PMPCB: variants seen among roughly 807,000 people sequenced by gnomAD.
PMPCB encodes the protein mitochondrial-processing peptidase subunit beta.
In PMPCB, 46 loss-of-function variants were observed where a neutral mutation model predicts 61.5. The ratio of observed to expected loss-of-function variants is 0.75; its 90% confidence interval spans 0.59 to 0.96. PMPCB has a LOEUF of 0.96. Ranked by LOEUF, PMPCB falls within the 40% of genes least tolerant of loss-of-function variation. PMPCB has a pLI of 0.00. For missense variants in PMPCB, 590 were observed against 602.4 expected, an observed-to-expected ratio of 0.98 and a Z score of 0.22; for synonymous variants, 191 against 201.6, an observed-to-expected ratio of 0.95 and a Z score of 0.44.
intron 12 of PMPCB, among the ~76,000 whole-genome samples, chr7:103,321,066 T>C (rs368970856): frequency 6.6e-6 from 1 of 150,686 alleles, no homozygotes. Context: ...GGTGTGGTGG[T>C]ATGCACCTGT....
At chr7:103,337,839 A>G in the PMPCB span, 2 of 1,564,948 alleles carry the variant, frequency 1.3e-6, no homozygotes, top group South Asian at 2.2e-5. Flanking sequence ...AAGGGAGTCA[A>G]ATTTGAAATG....
At chr7:103,330,940 G>A (rs114388582), downstream of PMPCB, among the ~76,000 whole-genome samples, 573 of 151,376 alleles carry the variant, frequency 3.8e-3, 4 homozygotes, top group African/African-American at 0.014. Flanking sequence ...TGATTATTTT[G>A]TTCATAATAC....
At chr7:103,344,428 C>G in the PMPCB span, 2 of 976,044 alleles carry the variant, frequency 2.0e-6, no homozygotes, top group Non-Finnish European at 3.2e-6. Context: ...AAAAGGCACT[C>G]GTCACGGCCC....
intron 6 of PMPCB, among the ~76,000 whole-genome samples, chr7:103,305,548 C>T (rs191565514): frequency 1.1e-3 from 165 of 152,220 alleles, no homozygotes; most frequent in Middle Eastern, 3.4e-3. Context: ...CGTGACCCAC[C>T]GCACCTGGTC....
intron 6 of PMPCB, among the ~76,000 whole-genome samples, chr7:103,307,356 C>T (rs1295847097): frequency 6.6e-6 from 1 of 152,028 alleles, no homozygotes; most frequent in East Asian, 1.9e-4. Flanking sequence ...TTATTCTTAG[C>T]TGTGAATCCA....
At chr7:103,306,314 G>A (rs984417542) in intron 6 of PMPCB, among the ~76,000 whole-genome samples, 5 of 151,544 alleles carry the variant, frequency 3.3e-5, no homozygotes, top group African/African-American at 1.2e-4. Flanking sequence ...AGTAATTCCT[G>A]AGTTTTTGCA....
chr7:103,330,750 CTT>C (rs112547436), downstream of PMPCB, among the ~76,000 whole-genome samples: 3 of 143,820 alleles, frequency 2.1e-5, no homozygotes, highest in Non-Finnish European at 1.5e-5. Context: ...ACACCCAGCT[CTT>C]TTTTTTTTTT....
chr7:103,312,518 G>A lies in PMPCB; in HGVS notation c.*247G>A, dbSNP rs1817802505. On this transcript the variant is annotated 3_prime_UTR_variant, in exon 13 of 13. Transcript: ENST00000249269. ...TGAGTATAATTTTAAGAATGAAAAT[G>A]TTTACAGTATTTTCAGTTTTATTAT... 1.3e-6 allele frequency: 2 copies of A among 1,586,200 alleles called. No individual in the cohort carries two copies. The highest frequency in any genetic ancestry group is 1.7e-6 in the Non-Finnish European group (2 of 1,170,244).
downstream of PMPCB, among the ~76,000 whole-genome samples, chr7:103,333,162 T>C (rs1819040675): frequency 6.6e-6 from 1 of 152,128 alleles, no homozygotes; most frequent in Admixed American, 6.5e-5. Context: ...GATGCTCAAC[T>C]TGTATTTGTT....
At chr7:103,309,568 A>G (rs1817680832) in intron 8 of PMPCB, among the ~76,000 whole-genome samples, 1 of 152,198 alleles carries the variant, frequency 6.6e-6, no homozygotes, top group Non-Finnish European at 1.5e-5. Flanking sequence ...AGATGATTTA[A>G]AGTATACAGG....
downstream of PMPCB, among the ~76,000 whole-genome samples, chr7:103,319,423 C>G (rs1288968383): frequency 6.6e-6 from 1 of 152,100 alleles, no homozygotes; most frequent in Non-Finnish European, 1.5e-5. Context: ...GGCAACAGAG[C>G]AAGACTCTGT....
At chr7:103,299,293 G>A (rs920342129) in intron 2 of PMPCB, 150 bp from the exon 3 acceptor site, 5 of 580,142 alleles carry the variant, frequency 8.6e-6, no homozygotes, top group South Asian at 2.2e-5. Context: ...AAATCTCATA[G>A]TTCACAGGAA....
At position 103,312,430 on chromosome 7, in the gene PMPCB, A is replaced by G; in HGVS notation, c.*159A>G. The G allele has an allele frequency of 6.6e-7, 1 of 1,512,418 alleles. No individual in the cohort carries two copies. Among genetic ancestry groups the G allele is most frequent in the Non-Finnish European group, 8.8e-7 (1 of 1,139,930 alleles). 93.7% of individuals were successfully genotyped at this position (1,512,418 alleles called of 1,614,324 possible). ...ACCCCTCTGAAGGTTGTTTTGTATTAATGGTCAGTCTTTGTTCTCTGAGAA... is the reference window on the plus strand; with the variant it reads ...ACCCCTCTGAAGGTTGTTTTGTATTGATGGTCAGTCTTTGTTCTCTGAGAA... On this transcript the variant is annotated 3_prime_UTR_variant, in exon 13 of 13. Coordinates refer to ENST00000249269, the MANE Select transcript of PMPCB (RefSeq NM_004279.3).
At chr7:103,340,732 C>A in the PMPCB span, among the ~76,000 whole-genome samples, 1 of 152,352 alleles carries the variant, frequency 6.6e-6, no homozygotes, top group South Asian at 2.1e-4. Context: ...TTTGTTTATA[C>A]TTTTGTCCCT....
chr7:103,331,223 G>T (rs1430525899), downstream of PMPCB, among the ~76,000 whole-genome samples: 1 of 152,206 alleles, frequency 6.6e-6, no homozygotes, highest in Non-Finnish European at 1.5e-5. Context: ...CTCCCAAAGC[G>T]CTGGGATTAC....
chr7:103,326,574 C>T (rs1337463338), intron 12 of PMPCB: 1 of 1,614,002 alleles, frequency 6.2e-7, no homozygotes, highest in Non-Finnish European at 8.5e-7. Flanking sequence ...GGGGTAAACA[C>T]TTCGAAGAAA....
downstream of PMPCB, among the ~76,000 whole-genome samples, chr7:103,319,029 C>G (rs571961205): frequency 4.6e-5 from 7 of 152,108 alleles, 1 homozygote; most frequent in African/African-American, 1.7e-4. Flanking sequence ...CTGGCCAACA[C>G]AGCGAAACCC....
chr7:103,344,441 T>C, the PMPCB span: 1 of 1,166,070 alleles, frequency 8.6e-7, no homozygotes, highest in East Asian at 2.4e-5. Flanking sequence ...CACGGCCCCA[T>C]ACGGCCCCGG....
the PMPCB span, chr7:103,347,532 T>G: frequency 1.6e-6 from 1 of 617,566 alleles, no homozygotes; most frequent in Non-Finnish European, 2.9e-6. Context: ...AGGTAATCAG[T>G]CCAAAAACCA....
Sources: allele counts gnomAD v4.1 joint callset (sites outside exome capture counted in the v4.1 genomes callset), GRCh38; gene constraint gnomAD v4.1.1; transcripts MANE v1.5; gene names NCBI Gene and HGNC (gene_info 2026-07-23, HGNC 2026-07-21).